CFAP47: variants seen among roughly 807,000 people sequenced by gnomAD.
The protein encoded by CFAP47 is cilia and flagella associated protein 47, also known as cilia- and flagella-associated protein 47.
CFAP47 carries 29 observed loss-of-function variants against 148.1 expected under a neutral mutation model. The ratio of observed to expected loss-of-function variants is 0.20; its 90% CI spans 0.15 to 0.27. The LOEUF (loss-of-function observed/expected upper bound fraction) is 0.27. Ranked by LOEUF, CFAP47 falls within the 10% of genes least tolerant of loss-of-function variation. The pLI is 1.00. For synonymous variants in CFAP47, 664 were observed against 577.3 expected, an observed-to-expected ratio of 1.15 and a Z score of -2.15; for missense variants, 1,872 against 1,697.5, an observed-to-expected ratio of 1.10 and a Z score of -1.81.
At chrX:36,167,974 G>C (rs774681827) in intron 39 of CFAP47, among the ~76,000 whole-genome samples, 12 of 110,623 alleles carry the variant, frequency 1.1e-4, no homozygotes, top group African/African-American at 3.3e-4. Context: ...ATGGTGTCAG[G>C]CTTAATGTTG....
chrX:36,342,756 C>T (rs1486482698), intron 57 of CFAP47, among the ~76,000 whole-genome samples: 2 of 111,228 alleles, frequency 1.8e-5, no homozygotes, highest in Non-Finnish European at 3.8e-5. Context: ...TAGAAGAAAA[C>T]ATGGGTAGAT....
intron 2 of CFAP47, among the ~76,000 whole-genome samples, chrX:35,932,108 G>A (rs999235042): frequency 9.4e-6 from 1 of 106,316 alleles, no homozygotes; most frequent in Non-Finnish European, 1.9e-5. Context: ...GAGTTCAGTG[G>A]TGTCAACATG....
rs754108695 is a variant in CFAP47, at chrX:35,951,192, A to G, written c.718A>G (p.Ile240Val). Residue 240 changes from isoleucine (I) to valine (V), a missense_variant, in exon 5 of 64, where the codon ATT (isoleucine) becomes GTT (valine). Coordinates refer to ENST00000378653, the MANE Select transcript of CFAP47 (RefSeq NM_001304548.2). The part of the protein sequence containing the change: ...LSIKAHVVEQ[I>V]IELLSMSSDR... ...TATCAAAGCTCATGTGGTTGAGCAG[A>G]TTATTGAATTATTAAGCATGAGTAG... is the stretch of plus-strand genomic sequence containing the variant. 8.3e-6 allele frequency: 10 copies of G among 1,209,676 alleles called. No homozygotes were observed. In the South Asian group the frequency reaches 1.6e-4, roughly 19 times the overall value.
chrX:36,220,943 A>G (rs1375962684), intron 45 of CFAP47, among the ~76,000 whole-genome samples: 1 of 112,025 alleles, frequency 8.9e-6, no homozygotes, highest in Non-Finnish European at 1.9e-5. Context: ...ATGAAAATTA[A>G]CTACCAGTCT....
At chrX:36,300,058 A>G (rs782787377) in intron 52 of CFAP47, among the ~76,000 whole-genome samples, 1 of 111,449 alleles carries the variant, frequency 9.0e-6, no homozygotes, top group Non-Finnish European at 1.9e-5. Flanking sequence ...AATTTTCTTT[A>G]TCAGCATACA....
intron 8 of CFAP47, among the ~76,000 whole-genome samples, chrX:35,960,985 T>C (rs746928779): frequency 1.1e-3 from 118 of 112,051 alleles, no homozygotes; most frequent in African/African-American, 3.7e-3. Context: ...TCATGTTAGC[T>C]GTAAGTTTTT....
intron 20 of CFAP47, 124 bp downstream of exon 20, chrX:36,000,551 G>T: frequency 3.8e-6 from 1 of 261,944 alleles, no homozygotes; most frequent in South Asian, 2.5e-4. Flanking sequence ...AATGACCACT[G>T]CATGTTTTTC....
chrX:35,994,804 A>G (rs2146686781), intron 18 of CFAP47, among the ~76,000 whole-genome samples: 1 of 111,316 alleles, frequency 9.0e-6, no homozygotes, highest in South Asian at 3.8e-4. Context: ...TTATAGTATA[A>G]TGAGACTCAT....
chrX:36,016,701 C>CTTTTTTTTTTTTT (rs1281064323), intron 22 of CFAP47, among the ~76,000 whole-genome samples: 1 of 54,457 alleles, frequency 1.8e-5, no homozygotes, highest in Non-Finnish European at 3.6e-5. Context: ...TTATGCCAGT[C>CTTTTTTTTTTTTT]TTTTTTTTTT....
chrX:36,159,350 A>G (rs1431753077), intron 37 of CFAP47, 76 bp from the exon 38 acceptor site: 2 of 291,926 alleles, frequency 6.9e-6, no homozygotes, highest in Non-Finnish European at 1.2e-5. Context: ...CATTAGACAC[A>G]TGGTCTACAT....
At chrX:36,094,007 T>C (rs1462184183) in intron 30 of CFAP47, among the ~76,000 whole-genome samples, 2 of 111,728 alleles carry the variant, frequency 1.8e-5, no homozygotes, top group African/African-American at 6.5e-5. Context: ...AGTTTGAGGA[T>C]ATAGCTTTAA....
intron 49 of CFAP47, among the ~76,000 whole-genome samples, chrX:36,274,574 C>A (rs1011104396): frequency 9.0e-5 from 10 of 111,604 alleles, no homozygotes; most frequent in African/African-American, 2.9e-4. Context: ...TTAAGCCAAG[C>A]ATATTGTGTA....
At position 36,385,195 on chromosome X, in the gene CFAP47, C is replaced by A. The variant is rs985355473; in HGVS notation, c.*189C>A. 6.4e-5 allele frequency: 24 copies of A among 376,531 alleles called. No homozygotes were observed. The highest frequency in any genetic ancestry group is 4.7e-4 in the African/African-American group (18 of 38,438). 31.0% of individuals were successfully genotyped at this position (376,531 alleles called of 1,213,427 possible). On this transcript the variant is annotated 3_prime_UTR_variant, in exon 64 of 64. Transcript: ENST00000378653. ...GTGAGTTATGAATGTTTTTTGGTTG[C>A]GAACATTGGAATTGGTTCACTTTTA... is the stretch of plus-strand genomic sequence containing the variant.
intron 26 of CFAP47, among the ~76,000 whole-genome samples, chrX:36,052,070 A>T (rs1937522134): frequency 9.1e-6 from 1 of 110,266 alleles, no homozygotes; most frequent in Admixed American, 9.7e-5. Flanking sequence ...AGTCCATTAA[A>T]CCTCTTTTTC....
chrX:35,951,026 G>A, intron 4 of CFAP47, 105 bp from the exon 5 acceptor site: 1 of 537,278 alleles, frequency 1.9e-6, no homozygotes, highest in Non-Finnish European at 3.1e-6. Flanking sequence ...TAATGATAAT[G>A]TGATTCTATA....
At chrX:36,206,926 C>T (rs1380151443) in intron 45 of CFAP47, among the ~76,000 whole-genome samples, 1 of 112,286 alleles carries the variant, frequency 8.9e-6, no homozygotes, top group Non-Finnish European at 1.9e-5. Flanking sequence ...ATTTTCTGTG[C>T]AGCTGAGATT....
rs181765032 is a variant in CFAP47, at chrX:36,241,906, A to G, written c.7332+5047A>G. On this transcript the variant is annotated intron_variant, in intron 48 of 63. Coordinates refer to ENST00000378653, the MANE Select transcript of CFAP47 (RefSeq NM_001304548.2). ...CCAGTAATCAAATGGGGCTCCTCTAAGGCCCAGAAATCGACCTGGTGAGAG... is the reference window on the plus strand; with the variant it reads ...CCAGTAATCAAATGGGGCTCCTCTAGGGCCCAGAAATCGACCTGGTGAGAG... 8.9e-3 allele frequency among the ~76,000 whole-genome samples: 994 copies of G among 111,860 alleles called. 13 individuals carry two copies. The highest frequency in any genetic ancestry group is 0.03 in the African/African-American group (930 of 30,717).
At chrX:35,930,111 A>G (rs191570982) in intron 2 of CFAP47, among the ~76,000 whole-genome samples, 2 of 112,175 alleles carry the variant, frequency 1.8e-5, no homozygotes, top group African/African-American at 6.5e-5. Context: ...ATTCCCAACT[A>G]TTCTAAATTG....
intron 51 of CFAP47, among the ~76,000 whole-genome samples, chrX:36,290,553 G>A (rs144627733): frequency 1.2e-3 from 129 of 112,114 alleles, no homozygotes; most frequent in African/African-American, 3.8e-3. Flanking sequence ...CTCATGCTCC[G>A]TTCTCCTGGG....
Sources: gnomAD v4.1 joint callset for allele counts (sites outside exome capture counted in the v4.1 genomes callset) on GRCh38, gnomAD v4.1.1 for gene constraint, MANE v1.5 for transcripts, NCBI Gene and HGNC (gene_info 2026-07-23, HGNC 2026-07-21) for gene names.